Variants in CLEC16A observed in about 807,000 individuals in gnomAD.
CLEC16A encodes the protein protein CLEC16A.
In CLEC16A, 51 loss-of-function variants were observed where a neutral mutation model predicts 109.5. That is an observed-to-expected ratio of 0.47 (90% CI 0.37 to 0.59). The LOEUF (loss-of-function observed/expected upper bound fraction) is 0.59. Ranked by LOEUF, CLEC16A falls within the 20% of genes least tolerant of loss-of-function variation. The pLI, the probability that CLEC16A is intolerant of heterozygous loss-of-function variation, is 0.00. For synonymous variants in CLEC16A, 673 were observed against 564.2 expected, an observed-to-expected ratio of 1.19 and a Z score of -2.73; for missense variants, 1,339 against 1,394.0, an observed-to-expected ratio of 0.96 and a Z score of 0.63.
At chr16:11,164,290 A>G (rs1180892807) in intron 22 of CLEC16A, among the ~76,000 whole-genome samples, 1 of 152,200 alleles carries the variant, frequency 6.6e-6, no homozygotes, top group Non-Finnish European at 1.5e-5. Flanking sequence ...CATTATAGTC[A>G]GCGCTTGTTA....
intron 22 of CLEC16A, among the ~76,000 whole-genome samples, chr16:11,142,345 G>A (rs890241717): frequency 2.0e-5 from 3 of 152,338 alleles, no homozygotes; most frequent in South Asian, 2.1e-4. Flanking sequence ...CATACTTGCA[G>A]CCTCACATGC....
chr16:11,120,534 G>A (rs2052327129), intron 19 of CLEC16A, 81 bp from the exon 20 acceptor site: 2 of 1,437,744 alleles, frequency 1.4e-6, no homozygotes, highest in African/African-American at 1.4e-5. Context: ...GCTCCTGATA[G>A]AATGAGAGTC....
Position 11,061,025 on chromosome 16 carries a change from G to A in CLEC16A, c.2116+3G>A. 2.5e-6 allele frequency: 4 copies of A among 1,603,084 alleles called. No individual in the cohort carries two copies. Among genetic ancestry groups the A allele is most frequent in the Non-Finnish European group, 3.4e-6 (4 of 1,175,990 alleles). On this transcript the variant is annotated splice_donor_region_variant and intron_variant, in intron 19 of 23. Coordinates refer to ENST00000409790, the MANE Select transcript of CLEC16A (RefSeq NM_015226.3). ...GACTGATGATGTCCTGGATCTGAGT[G>A]AGTTGGCTGCTCTGAGTCACAGCAG...
At chr16:11,052,009 C>T (rs946525643) in intron 18 of CLEC16A, among the ~76,000 whole-genome samples, 4 of 152,124 alleles carry the variant, frequency 2.6e-5, no homozygotes, top group Non-Finnish European at 5.9e-5. Context: ...AATCGTAGCC[C>T]AGCGGTCTCA....
intron 19 of CLEC16A, among the ~76,000 whole-genome samples, chr16:11,078,299 A>G (rs1476716483): frequency 6.6e-6 from 1 of 152,134 alleles, no homozygotes; most frequent in Non-Finnish European, 1.5e-5. Context: ...GGGCCCTGAC[A>G]TCTATATTTT....
chr16:11,033,889 C>G (rs969338182), intron 13 of CLEC16A, among the ~76,000 whole-genome samples: 12 of 152,172 alleles, frequency 7.9e-5, no homozygotes, highest in Admixed American at 1.3e-4. Flanking sequence ...GAAAATGCAG[C>G]CTTCGCTCTT....
chr16:11,016,113 A>G (rs2045729485), intron 11 of CLEC16A, among the ~76,000 whole-genome samples: 1 of 147,568 alleles, frequency 6.8e-6, no homozygotes, highest in South Asian at 2.2e-4. Context: ...TGCTAGTATT[A>G]TGGACAGTAT....
At chr16:11,166,337 C>T in intron 22 of CLEC16A, 51 bp from the exon 23 acceptor site, 6 of 1,536,384 alleles carry the variant, frequency 3.9e-6, no homozygotes, top group South Asian at 1.2e-5. Flanking sequence ...CATTGAGGCC[C>T]TCAGGCCTAC....
chr16:11,158,677 C>G (rs960950751), intron 22 of CLEC16A, among the ~76,000 whole-genome samples: 6 of 151,358 alleles, frequency 4.0e-5, no homozygotes, highest in African/African-American at 1.5e-4. Context: ...AATCCCAGGA[C>G]TTTGGGAGGC....
intron 18 of CLEC16A, among the ~76,000 whole-genome samples, chr16:11,059,418 A>G (rs763125101): frequency 6.6e-6 from 1 of 152,072 alleles, no homozygotes; most frequent in Non-Finnish European, 1.5e-5. Context: ...GGGCCAGGAG[A>G]TAGGATTGCT....
At chr16:11,017,550 T>G (rs921569286) in intron 11 of CLEC16A, among the ~76,000 whole-genome samples, 1 of 152,200 alleles carries the variant, frequency 6.6e-6, no homozygotes, top group Non-Finnish European at 1.5e-5. Flanking sequence ...TTTACTGACT[T>G]TCTTCCACAG....
chr16:11,016,438 C>A (rs891711811), intron 11 of CLEC16A, among the ~76,000 whole-genome samples: 2 of 151,842 alleles, frequency 1.3e-5, no homozygotes, highest in African/African-American at 4.8e-5. Context: ...AACCCCCACC[C>A]CCTGGGTTCA....
At chr16:11,034,521 C>T (rs1019405140) in intron 13 of CLEC16A, among the ~76,000 whole-genome samples, 1 of 152,112 alleles carries the variant, frequency 6.6e-6, no homozygotes, top group Non-Finnish European at 1.5e-5. Flanking sequence ...CACTGTGGGG[C>T]CACACCCTTC....
chr16:11,037,610 C>G (rs1380618748), intron 13 of CLEC16A, among the ~76,000 whole-genome samples: 4 of 152,200 alleles, frequency 2.6e-5, no homozygotes, highest in Non-Finnish European at 4.4e-5. Context: ...TCTGGAAATT[C>G]AAGGCCTGGT....
chr16:11,145,785 A>G (rs1477969133), intron 22 of CLEC16A, among the ~76,000 whole-genome samples: 4 of 152,326 alleles, frequency 2.6e-5, no homozygotes, highest in Non-Finnish European at 4.4e-5. Context: ...CTTGCCCTCT[A>G]TGGTCCATTC....
chr16:10,944,617 C>G lies in CLEC16A; in HGVS notation c.-101C>G, dbSNP rs2041243046. 1 of 1,176,186 alleles carries G rather than the reference C, an allele frequency of 8.5e-7. No homozygotes were observed. Among genetic ancestry groups the G allele is most frequent in the Admixed American group, 2.1e-5 (1 of 46,596 alleles). The allele number at this position is 1,176,186 out of a possible 1,614,324, so 72.9% of individuals were successfully genotyped here. On this transcript the variant is annotated 5_prime_UTR_variant, in exon 1 of 24. Coordinates refer to ENST00000409790, the MANE Select transcript of CLEC16A (RefSeq NM_015226.3). ...GCGGCTCGCGGTTCCTCCACCGCCT[C>G]CGCCGCCGCATCCTCCGCTTGTGCT... is the stretch of plus-strand genomic sequence containing the variant.
intron 1 of CLEC16A, among the ~76,000 whole-genome samples, chr16:10,956,150 G>T (rs963358213): frequency 1.3e-5 from 2 of 152,158 alleles, no homozygotes; most frequent in Non-Finnish European, 2.9e-5. Flanking sequence ...GGTAGATTTG[G>T]GTACAAGTGG....
chr16:11,157,117 A>G lies in CLEC16A; in HGVS notation c.2642-9271A>G, dbSNP rs897626811. 13 of 1,303,064 alleles carry G rather than the reference A, an allele frequency of 1.0e-5. No individual in the cohort carries two copies. The African/African-American group carries it at 2.0e-4, about 20-fold the overall frequency. The allele number at this position is 1,303,064 out of a possible 1,614,324, so 80.7% of individuals were successfully genotyped here. A position where few individuals can be genotyped will look rare whatever the true frequency, so the allele number is the denominator to read the frequency against. ...GTTTAAAATCTGAGAGGATTTATCC[A>G]TGGATAAAGAGCTATAGGCTAAAAG... On this transcript the variant is annotated intron_variant, in intron 22 of 23. Coordinates refer to ENST00000409790, the MANE Select transcript of CLEC16A (RefSeq NM_015226.3).
chr16:11,118,183 G>A (rs1363215205), intron 19 of CLEC16A, among the ~76,000 whole-genome samples: 1 of 151,912 alleles, frequency 6.6e-6, no homozygotes, highest in Non-Finnish European at 1.5e-5. Flanking sequence ...TGAACTCCTG[G>A]GCTCAAGCAT....
Sources: allele counts gnomAD v4.1 joint callset (sites outside exome capture counted in the v4.1 genomes callset), GRCh38; gene constraint gnomAD v4.1.1; transcripts MANE v1.5; gene names NCBI Gene and HGNC (gene_info 2026-07-23, HGNC 2026-07-21).